Variants in SPTA1 observed in about 807,000 individuals in gnomAD.
SPTA1 encodes spectrin alpha, erythrocytic 1, also known as spectrin alpha chain, erythrocytic 1.
In SPTA1, 177 loss-of-function variants were observed where a neutral mutation model predicts 324.7. The ratio of observed to expected loss-of-function variants is 0.55; its 90% confidence interval spans 0.48 to 0.62. SPTA1 has a LOEUF of 0.62. Ranked by LOEUF, SPTA1 falls within the 20% of genes least tolerant of loss-of-function variation. SPTA1 has a pLI of 0.00. For missense variants in SPTA1, 3,162 were observed against 2,883.6 expected (o/e 1.10, Z -2.21); for synonymous variants, 1,195 against 1,041.3 (o/e 1.15, Z -2.84).
intron 44 of SPTA1, 124 bp downstream of exon 44, chr1:158,620,045 TC>T: frequency 7.9e-7 from 1 of 1,259,564 alleles, no homozygotes; most frequent in Non-Finnish European, 1.2e-6. Flanking sequence ...CAGTCATGTT[TC>T]ATGACTTCTG....
At chr1:158,616,487 G>A (rs2852635) in intron 47 of SPTA1, among the ~76,000 whole-genome samples, 33,876 of 151,902 alleles carry the variant, frequency 0.22, 4,608 homozygotes, top group East Asian at 0.44. Context: ...TCCCACCTAC[G>A]AGTGAGAACA....
chr1:158,662,511 T>C (rs115252550), intron 17 of SPTA1, among the ~76,000 whole-genome samples, 191 bp downstream of exon 17: 1,883 of 152,242 alleles, frequency 0.012, 37 homozygotes, highest in African/African-American at 0.042. Context: ...TCATGTCCAG[T>C]TTTAGGAGGT....
Position 158,615,469 on chromosome 1 carries a change from G to A in SPTA1, c.6601-66C>T, listed in dbSNP as rs1649501465. On this transcript the variant is annotated intron_variant, in intron 47 of 51. Transcript: ENST00000643759. Reference sequence around the variant, plus strand: ...GTTACCAGCTCAAAACCTAGAGGTGGAAGAGGAGATAACAGGCTGATTTTA... The same window carrying A: ...GTTACCAGCTCAAAACCTAGAGGTGAAAGAGGAGATAACAGGCTGATTTTA... 12 of 1,504,654 alleles carry A rather than the reference G, an allele frequency of 8.0e-6. No individual in the cohort carries two copies. In the East Asian group the frequency reaches 2.3e-4, roughly 28 times the overall value. 93.2% of individuals were successfully genotyped at this position (1,504,654 alleles called of 1,614,324 possible). A position where few individuals can be genotyped will look rare whatever the true frequency, so the allele number is the denominator to read the frequency against.
chr1:158,643,184 A>C, intron 31 of SPTA1, 138 bp downstream of exon 31: 1 of 1,225,648 alleles, frequency 8.2e-7, no homozygotes, highest in Non-Finnish European at 1.2e-6. Context: ...CTAAGTCAGA[A>C]AGTCTGCATA....
chr1:158,676,033 G>T, intron 8 of SPTA1, 108 bp downstream of exon 8: 1 of 1,466,756 alleles, frequency 6.8e-7, no homozygotes. Context: ...GCAGGCAGGA[G>T]AGCTGATTCT....
At chr1:158,613,646 G>T in intron 50 of SPTA1, 75 bp downstream of exon 50, 1 of 1,596,420 alleles carries the variant, frequency 6.3e-7, no homozygotes, top group Non-Finnish European at 8.6e-7. Context: ...ATGTTTTATG[G>T]ATCATTTTAC....
chr1:158,671,476 CCTAAGCTGTGT>C, intron 11 of SPTA1, 23 bp from the exon 12 acceptor site: 2 of 1,569,294 alleles, frequency 1.3e-6, no homozygotes, highest in South Asian at 1.1e-5. Flanking sequence ...GAAAGACACA[CCTAAGCTGTGT>C]CTGACCGGTA....
intron 24 of SPTA1, 76 bp downstream of exon 24, chr1:158,651,291 G>T: frequency 1.1e-6 from 1 of 929,986 alleles, no homozygotes; most frequent in Non-Finnish European, 1.8e-6. Context: ...AGAATATAAA[G>T]TTCCATGTTG....
In SPTA1 at chr1:158,629,471, C is replaced by T. The variant is rs58163929; in HGVS notation, c.5566-1748G>A. 1.7e-3 allele frequency among the ~76,000 whole-genome samples: 263 copies of T among 151,742 alleles called. 2 individuals carry two copies. The highest frequency in any genetic ancestry group is 6.1e-3 in the African/African-American group (254 of 41,418). ...TCAATAGATTCTGAAAAAAAATGGA[C>T]AGAATTCAGCACTCTTTCATGATAA... On this transcript the variant is annotated intron_variant, in intron 39 of 51. Transcript: ENST00000643759.
At chr1:158,652,739 G>C in intron 22 of SPTA1, 86 bp from the exon 23 acceptor site, 1 of 1,438,540 alleles carries the variant, frequency 7.0e-7, no homozygotes. Flanking sequence ...GAGAAAGAAG[G>C]AACAAAAATG....
chr1:158,617,443 C>A, intron 47 of SPTA1, 94 bp downstream of exon 47: 2 of 998,974 alleles, frequency 2.0e-6, no homozygotes, highest in Non-Finnish European at 1.6e-6. Context: ...GTGATACATA[C>A]CTAAAAGTAT....
rs1557918501 is a variant in SPTA1, at chr1:158,614,235, C to T, written c.6842+18G>A. 1 of 1,542,490 alleles carries T rather than the reference C, an allele frequency of 6.5e-7. No homozygotes were observed. Among genetic ancestry groups the T allele is most frequent in the East Asian group, 2.2e-5 (1 of 44,466 alleles). ...ATCTGAAAAACAAAGAAGCAGTTAACTATGAAATTATACTCACTTATAGAT... is the reference window on the plus strand; with the variant it reads ...ATCTGAAAAACAAAGAAGCAGTTAATTATGAAATTATACTCACTTATAGAT... On this transcript the variant is annotated intron_variant, in intron 49 of 51. Transcript: ENST00000643759.
At position 158,657,605 on chromosome 1, in the gene SPTA1, T is replaced by G; in HGVS notation, c.2677A>C (p.Asn893His). The G allele has an allele frequency of 6.2e-7, 1 of 1,614,088 alleles. No individual in the cohort carries two copies. Residue 893 changes from asparagine to histidine, a missense_variant, in exon 19 of 52, where the codon AAT (asparagine) becomes CAT (histidine). Coordinates refer to ENST00000643759, the MANE Select transcript of SPTA1 (RefSeq NM_003126.4). ...AACTGGACATTGGCTTCAAGATCAT[T>G]TTGTCGCCTAGCAGCTCGAGCACGG... ...SLRARAARRQ[N>H]DLEANVQFQQ...
intron 17 of SPTA1, 141 bp downstream of exon 17, chr1:158,662,561 G>A: frequency 9.0e-7 from 1 of 1,112,512 alleles, no homozygotes; most frequent in Non-Finnish European, 1.3e-6. Context: ...TTTTTATGAA[G>A]GACTGGACAA....
intron 16 of SPTA1, among the ~76,000 whole-genome samples, chr1:158,665,042 C>T (rs1653495444): frequency 6.6e-6 from 1 of 152,146 alleles, no homozygotes; most frequent in Non-Finnish European, 1.5e-5. Flanking sequence ...ATTTCCTTTG[C>T]ATGTATCATT....
At chr1:158,633,004 C>T (rs1650791958) in intron 39 of SPTA1, among the ~76,000 whole-genome samples, 1 of 152,136 alleles carries the variant, frequency 6.6e-6, no homozygotes, top group Admixed American at 6.6e-5. Context: ...AAGGGATGAA[C>T]TATTGTTACA....
intron 1 of SPTA1, among the ~76,000 whole-genome samples, chr1:158,685,656 T>C (rs1655121101): frequency 6.6e-6 from 1 of 152,112 alleles, no homozygotes; most frequent in Admixed American, 6.6e-5. Flanking sequence ...ATCAGCAAAA[T>C]CACATAATTT....
chr1:158,681,522 G>A lies in SPTA1; in HGVS notation c.531+5C>T, dbSNP rs534066706. 1.4e-5 allele frequency: 22 copies of A among 1,613,498 alleles called. No individual in the cohort carries two copies. The Admixed American group carries it at 2.0e-4, about 15-fold the overall frequency. On this transcript the variant is annotated splice_donor_5th_base_variant and intron_variant, in intron 4 of 51. Coordinates refer to ENST00000643759, the MANE Select transcript of SPTA1 (RefSeq NM_003126.4). ...CCTGTGTGATTGCTGTTTTAAGTTC[G>A]ATACCTTGTCTCCAATCCACTCTAA...
rs1005211626 is a variant in SPTA1 at position 158,619,406 on chromosome 1, A to T, written c.6418-72T>A. 15 of 1,406,988 alleles carry T rather than the reference A, an allele frequency of 1.1e-5. No individual in the cohort carries two copies. The African/African-American group carries it at 2.1e-4, about 20-fold the overall frequency. The allele number at this position is 1,406,988 out of a possible 1,614,324, so 87.2% of individuals were successfully genotyped here. On this transcript the variant is annotated intron_variant, in intron 44 of 51. Transcript: ENST00000643759. ...CTTTGCCATAAGAGAATTGGTTTGT[A>T]GGCTTAACTGCATATCTTTCCTCTC...
Sources: allele counts gnomAD v4.1 joint callset (sites outside exome capture counted in the v4.1 genomes callset), GRCh38; gene constraint gnomAD v4.1.1; transcripts MANE v1.5; gene names NCBI Gene and HGNC (gene_info 2026-07-23, HGNC 2026-07-21).